GOLM2: variants seen among roughly 807,000 people sequenced by gnomAD.
GOLM2 encodes protein GOLM2.
In GOLM2, 26 loss-of-function variants were observed where a neutral mutation model predicts 55.9. The ratio of observed to expected loss-of-function variants is 0.47; its 90% CI spans 0.34 to 0.65. The LOEUF (loss-of-function observed/expected upper bound fraction) is 0.65, where lower values mean the gene tolerates loss of function less well. Ranked by LOEUF, GOLM2 falls within the 30% of genes least tolerant of loss-of-function variation. The probability of loss-of-function intolerance (pLI) is 0.01; values close to 1 mark genes in which losing one functional copy is unlikely to be tolerated. For synonymous variants in GOLM2, 165 were observed against 194.6 expected, an observed-to-expected ratio of 0.85 and a Z score of 1.27; for missense variants, 486 against 531.8, an observed-to-expected ratio of 0.91 and a Z score of 0.85.
Position 44,337,802 on chromosome 15 carries a change from T to C in GOLM2, c.616T>C (p.Leu206=). 1 of 1,594,946 alleles carries C rather than the reference T, an allele frequency of 6.3e-7. No homozygotes were observed. The highest frequency in any genetic ancestry group is 1.4e-5 in the African/African-American group (1 of 73,840). ...GATTCAATCAAATGATGGAAAGGAA[T>C]TGGATATAAACAATCAAGTAGTACC... The part of the protein sequence containing the change: ...QKIQSNDGKE[L]DINNQVVPKN... Residue 206 remains leucine, a synonymous_variant, in exon 5 of 10, where the codon TTG becomes CTG. Coordinates refer to ENST00000299957, the MANE Select transcript of GOLM2 (RefSeq NM_138423.4).
intron 8 of GOLM2, among the ~76,000 whole-genome samples, chr15:44,385,654 C>G (rs1377405285): frequency 6.6e-6 from 1 of 152,094 alleles, no homozygotes; most frequent in Non-Finnish European, 1.5e-5. Context: ...TCAAGTAATC[C>G]TCCTGCCTCA....
chr15:44,313,739 G>A (rs1330534548), intron 1 of GOLM2, among the ~76,000 whole-genome samples: 1 of 152,174 alleles, frequency 6.6e-6, no homozygotes, highest in Non-Finnish European at 1.5e-5. Flanking sequence ...CTTCTTAACA[G>A]ACCAAGATCA....
At chr15:44,302,937 T>C (rs1438096333) in intron 1 of GOLM2, among the ~76,000 whole-genome samples, 1 of 152,012 alleles carries the variant, frequency 6.6e-6, no homozygotes, top group African/African-American at 2.4e-5. Context: ...ACCCCGTCTC[T>C]ACTAAAAATA....
chr15:44,358,108 C>G (rs1167555546), intron 6 of GOLM2, among the ~76,000 whole-genome samples: 1 of 152,204 alleles, frequency 6.6e-6, no homozygotes, highest in African/African-American at 2.4e-5. Context: ...AATCCCAGCA[C>G]TTTGGGAGGC....
At chr15:44,374,718 A>G (rs1020684381) in intron 6 of GOLM2, among the ~76,000 whole-genome samples, 5 of 152,162 alleles carry the variant, frequency 3.3e-5, no homozygotes, top group African/African-American at 1.2e-4. Context: ...TTAAACAACT[A>G]GATCCTGTGA....
chr15:44,318,812 C>A (rs1193359897), intron 1 of GOLM2, among the ~76,000 whole-genome samples: 1 of 152,046 alleles, frequency 6.6e-6, no homozygotes, highest in Non-Finnish European at 1.5e-5. Context: ...CTTGGAAGAC[C>A]CTTCATAATT....
chr15:44,345,591 G>A (rs1298428060), intron 6 of GOLM2, among the ~76,000 whole-genome samples: 2 of 152,054 alleles, frequency 1.3e-5, no homozygotes, highest in Non-Finnish European at 2.9e-5. Flanking sequence ...TTCTTTAACA[G>A]TATGCAATGC....
At chr15:44,340,783 AGGAACTCTG>A (rs1319454414) in intron 6 of GOLM2, among the ~76,000 whole-genome samples, 2 of 152,198 alleles carry the variant, frequency 1.3e-5, no homozygotes, top group Admixed American at 1.3e-4. Flanking sequence ...TGTTCAGAGC[AGGAACTCTG>A]TATTCTTCCA....
chr15:44,413,094 C>G (rs1223649519), intron 9 of GOLM2, among the ~76,000 whole-genome samples: 1 of 151,704 alleles, frequency 6.6e-6, no homozygotes, highest in African/African-American at 2.4e-5. Flanking sequence ...CTATCTGGCT[C>G]TATTTCTGTT....
intron 2 of GOLM2, among the ~76,000 whole-genome samples, chr15:44,323,522 T>G (rs1278559378): frequency 1.3e-5 from 2 of 151,038 alleles, no homozygotes; most frequent in African/African-American, 4.8e-5. Flanking sequence ...CACACACATA[T>G]TTTTACTTGG....
chr15:44,350,830 T>C (rs558028101), intron 6 of GOLM2, among the ~76,000 whole-genome samples: 6 of 152,290 alleles, frequency 3.9e-5, no homozygotes, highest in Admixed American at 1.3e-4. Context: ...TATACATGAC[T>C]CAATTAATGT....
chr15:44,407,963 G>A (rs1266898490), intron 9 of GOLM2, among the ~76,000 whole-genome samples: 1 of 151,582 alleles, frequency 6.6e-6, no homozygotes, highest in Non-Finnish European at 1.5e-5. Flanking sequence ...TGTTGGCCAG[G>A]CTGGTCTTGA....
At chr15:44,306,554 C>T (rs2078838573) in intron 1 of GOLM2, among the ~76,000 whole-genome samples, 1 of 152,138 alleles carries the variant, frequency 6.6e-6, no homozygotes, top group South Asian at 2.1e-4. Context: ...TTTGAATTTC[C>T]TTAAAGAATT....
chr15:44,405,358 G>T (rs1183657074), intron 9 of GOLM2: 1 of 152,140 alleles, frequency 6.6e-6, no homozygotes, highest in Non-Finnish European at 1.5e-5. Flanking sequence ...AACATTTCTT[G>T]TCTCATTCTG....
intron 3 of GOLM2, among the ~76,000 whole-genome samples, chr15:44,330,410 A>C (rs2079014983): frequency 6.8e-6 from 1 of 148,124 alleles, no homozygotes; most frequent in Admixed American, 6.8e-5. Context: ...GCTACTTGGG[A>C]GGCTGAGCAG....
At chr15:44,344,964 G>A (rs986444645) in intron 6 of GOLM2, among the ~76,000 whole-genome samples, 1 of 149,778 alleles carries the variant, frequency 6.7e-6, no homozygotes, top group African/African-American at 2.5e-5. Flanking sequence ...CCGCCACCAT[G>A]CCTGGCTAAT....
At chr15:44,382,920 CAA>C (rs748415327) in intron 8 of GOLM2, among the ~76,000 whole-genome samples, 6 of 57,656 alleles carry the variant, frequency 1.0e-4, no homozygotes, top group Non-Finnish European at 1.1e-4. Flanking sequence ...GAGACTCTGT[CAA>C]AAAAAAAAAA....
At chr15:44,330,127 G>T (rs896536703) in intron 3 of GOLM2, among the ~76,000 whole-genome samples, 3 of 146,976 alleles carry the variant, frequency 2.0e-5, no homozygotes, top group African/African-American at 5.0e-5. Context: ...AGCCAGGATG[G>T]TCTCGATCTC....
intron 1 of GOLM2, among the ~76,000 whole-genome samples, chr15:44,293,768 A>G (rs1439079530): frequency 6.6e-6 from 1 of 152,202 alleles, no homozygotes; most frequent in Admixed American, 6.5e-5. Context: ...TTTCTCCACT[A>G]TAATGTACTC....
Sources: allele counts gnomAD v4.1 joint callset (sites outside exome capture counted in the v4.1 genomes callset), GRCh38; gene constraint gnomAD v4.1.1; transcripts MANE v1.5; gene names NCBI Gene and HGNC (gene_info 2026-07-23, HGNC 2026-07-21).